Variants in FZR1 observed in about 807,000 individuals in gnomAD.
The protein encoded by FZR1 is fizzy-related protein homolog.
In FZR1, 11 loss-of-function variants were observed where a neutral mutation model predicts 63.6. The ratio of observed to expected loss-of-function variants is 0.17; its 90% CI spans 0.11 to 0.29. The LOEUF (loss-of-function observed/expected upper bound fraction) is 0.29, where lower values mean the gene tolerates loss of function less well. FZR1 is among the 10% of genes least tolerant of loss of function. The pLI is 1.00. For synonymous variants in FZR1, 328 were observed against 297.9 expected (o/e 1.10, Z -1.04); for missense variants, 440 against 687.5 (o/e 0.64, Z 4.03).
Position 3,532,019 on chromosome 19 carries a change from G to A in FZR1, c.932G>A (p.Gly311Asp). The change falls in exon 10 of 14, where the codon GGC (glycine) becomes GAC (aspartate). Residue 311 changes from glycine to aspartate, a missense_variant. Transcript: ENST00000441788. ...CTGCAGTCGGAGCGGCGGCTGCAGG[G>A]CCACCGGCAGGAGGTGTGCGGGCTC... ...PPLQSERRLQ[G>D]HRQEVCGLKW... The A allele has an allele frequency of 6.4e-7, 1 of 1,551,414 alleles. No homozygotes were observed.
rs1342468636 is a variant in FZR1, at chr19:3,514,522, C to T, written c.-35+8048C>T. On this transcript the variant is annotated intron_variant, in intron 1 of 13. Transcript: ENST00000441788. This position sits in a 1 kb window ranked among gnomAD's most constrained non-coding sequence, Gnocchi z 4.2. ...CCCAGACATCACCATATATCATACC[C>T]TGGGGGCAGAATCACCCTGGTTAAG... 6.6e-6 allele frequency among the ~76,000 whole-genome samples: 1 copy of T among 152,110 alleles called. No homozygotes were observed. Among genetic ancestry groups the T allele is most frequent in the East Asian group, 1.9e-4 (1 of 5,180 alleles).
intron 12 of FZR1, chr19:3,534,213 C>T (rs2083274543): frequency 6.0e-6 from 3 of 500,622 alleles, no homozygotes; most frequent in Admixed American, 3.8e-5. Context: ...CAGAGCCAGA[C>T]CCCGTCTTAA....
At chr19:3,530,649 G>C in intron 7 of FZR1, 143 bp from the exon 8 acceptor site, 1 of 646,488 alleles carries the variant, frequency 1.5e-6, no homozygotes. Flanking sequence ...AAAGTGGATG[G>C]GACTGTGGAT....
chr19:3,528,213 G>C (rs915844802), intron 7 of FZR1, among the ~76,000 whole-genome samples: 2 of 152,272 alleles, frequency 1.3e-5, no homozygotes, highest in East Asian at 3.9e-4. Flanking sequence ...AGTGGCCGCT[G>C]TCCTGGAGTG....
chr19:3,520,764 G>A (rs987806909), intron 1 of FZR1, among the ~76,000 whole-genome samples: 1 of 152,246 alleles, frequency 6.6e-6, no homozygotes, highest in Admixed American at 6.5e-5. Context: ...TGGAGCTGTG[G>A]AGGTGGCAAT....
intron 1 of FZR1, among the ~76,000 whole-genome samples, chr19:3,522,088 G>A (rs574594750): frequency 6.6e-6 from 1 of 152,300 alleles, no homozygotes; most frequent in Non-Finnish European, 1.5e-5. Context: ...GACACAGGGA[G>A]ACCTGTCTAC....
At position 3,516,877 on chromosome 19, in the gene FZR1, C is replaced by A. The variant is rs1269691205; in HGVS notation, c.-34-6079C>A. Among the ~76,000 whole-genome samples the A allele has an allele frequency of 6.6e-6, 1 of 152,248 alleles. No individual in the cohort carries two copies. Among genetic ancestry groups the A allele is most frequent in the African/African-American group, 2.4e-5 (1 of 41,470 alleles). ...CCCCGGAGGGCTTGTCAGGTGCAGC[C>A]ATGTGCTGCTGGGCAGCGATGTGTG... On this transcript the variant is annotated intron_variant, in intron 1 of 13. Coordinates refer to ENST00000441788, the MANE Select transcript of FZR1 (RefSeq NM_016263.4). This position sits in a 1 kb window ranked among gnomAD's most constrained non-coding sequence, Gnocchi z 6.0.
intron 1 of FZR1, among the ~76,000 whole-genome samples, chr19:3,510,891 C>G (rs2083019870): frequency 6.6e-6 from 1 of 152,226 alleles, no homozygotes; most frequent in African/African-American, 2.4e-5. Context: ...CCCAGGACTC[C>G]CCGCCATAGA....
intron 6 of FZR1, among the ~76,000 whole-genome samples, chr19:3,527,274 G>A (rs1336170698): frequency 6.6e-6 from 1 of 152,202 alleles, no homozygotes; most frequent in South Asian, 2.1e-4. Context: ...TGAGGCCATG[G>A]TCAGTAATAG....
chr19:3,525,114 C>T lies in FZR1; in HGVS notation c.70-754C>T, dbSNP rs1338713351. 6.6e-6 allele frequency among the ~76,000 whole-genome samples: 1 copy of T among 152,154 alleles called. No individual in the cohort carries two copies. The highest frequency in any genetic ancestry group is 2.4e-5 in the African/African-American group (1 of 41,428). ...GGATGAGGGCCACACTCCCAGGTGG[C>T]TCTGGGTACAGCTGTTGCGTGTCTT... On this transcript the variant is annotated intron_variant, in intron 2 of 13. Transcript: ENST00000441788. The surrounding 1 kb of genome is among the most constrained non-coding windows in gnomAD (Gnocchi z 4.2).
chr19:3,532,840 CCTGGGGCAAGACTTGGGGCCT>C lies in FZR1; in HGVS notation c.1242+196_1242+216del, dbSNP rs919139101. Among the ~76,000 whole-genome samples the C allele has an allele frequency of 5.1e-4, 78 of 152,270 alleles. 1 individual carries two copies. Among genetic ancestry groups the C allele is most frequent in the African/African-American group, 1.9e-3 (77 of 41,572 alleles). ...GCCCCTGGGCCTCATCAGGGCCTCACCTGGGGCAAGACTTGGGGCCTCTGGGCCCCCATCGCAGCCACACCT... is the reference window on the plus strand; with the variant it reads ...GCCCCTGGGCCTCATCAGGGCCTCACCTGGGCCCCCATCGCAGCCACACCT... On this transcript the variant is annotated intron_variant, in intron 11 of 13. Coordinates refer to ENST00000441788, the MANE Select transcript of FZR1 (RefSeq NM_016263.4).
chr19:3,538,318 C>T lies in FZR1; in HGVS notation c.*3482C>T, dbSNP rs186245599. 1 of 171,502 alleles carries T rather than the reference C, an allele frequency of 5.8e-6. No homozygotes were observed. Among genetic ancestry groups the T allele is most frequent in the Non-Finnish European group, 1.3e-5 (1 of 79,392 alleles). The allele number at this position is 171,502 out of a possible 1,614,324, so 10.6% of individuals were successfully genotyped here. A position where few individuals can be genotyped will look rare whatever the true frequency, so the allele number is the denominator to read the frequency against. The stretch of plus-strand genomic sequence containing the variant: ...TGTTTATTGTGGTAAAATACAAAAT[C>T]TACCGTCTTACAGTGAGGTGGCGTT... On this transcript the variant is annotated 3_prime_UTR_variant, in exon 14 of 14. Transcript: ENST00000441788.
intron 7 of FZR1, among the ~76,000 whole-genome samples, chr19:3,530,164 A>G (rs2083226501): frequency 8.3e-6 from 1 of 119,902 alleles, no homozygotes; most frequent in Non-Finnish European, 1.8e-5. Context: ...GCAAGAGTGG[A>G]TGAGAGTGGT....
At chr19:3,522,344 A>AGGG (rs1482345273) in intron 1 of FZR1, among the ~76,000 whole-genome samples, 1 of 152,038 alleles carries the variant, frequency 6.6e-6, no homozygotes, top group Non-Finnish European at 1.5e-5. Flanking sequence ...ACCCCCTTGG[A>AGGG]GGGGCCTTCC....
chr19:3,534,103 C>T (rs781595809), intron 12 of FZR1, among the ~76,000 whole-genome samples: 10 of 151,860 alleles, frequency 6.6e-5, no homozygotes, highest in Non-Finnish European at 1.2e-4. Flanking sequence ...ACCTGTAGTC[C>T]CAGCTACTCA....
chr19:3,532,569 G>A lies in FZR1; in HGVS notation c.1161G>A (p.Thr387=), dbSNP rs368557027. ...TADRCIRFWN[T]LTGQPLQCID... ...ACCGCTGTATCCGCTTCTGGAACAC[G>A]CTGACAGGACAACCACTGCAGTGTA... Residue 387 remains threonine, a synonymous_variant, in exon 11 of 14, where the codon ACG becomes ACA. Transcript: ENST00000441788. The A allele has an allele frequency of 7.4e-6, 12 of 1,612,628 alleles. No homozygotes were observed. Among genetic ancestry groups the A allele is most frequent in the South Asian group, 5.5e-5 (5 of 91,084 alleles).
At chr19:3,534,227 T>TAAAAA (rs3040391) in intron 12 of FZR1, 194 bp from the exon 13 acceptor site, 10 of 283,112 alleles carry the variant, frequency 3.5e-5, no homozygotes, top group South Asian at 6.4e-5. Context: ...GTCTTAAAAT[T>TAAAAA]AAAAAAAAAA....
In FZR1 at chr19:3,508,093, A is replaced by G. The variant is rs1321809665; in HGVS notation, c.-35+1619A>G. The stretch of plus-strand genomic sequence containing the variant: ...ATTTCAGAACCTGTGCCCTGGCTGC[A>G]GGCAGTGGTGGGGGTAGGGGTTGGG... On this transcript the variant is annotated intron_variant, in intron 1 of 13. Transcript: ENST00000441788. 4.1e-4 allele frequency among the ~76,000 whole-genome samples: 42 copies of G among 101,662 alleles called. No individual in the cohort carries two copies. In the Admixed American group the frequency reaches 5.4e-3, roughly 13 times the overall value. 66.7% of individuals were successfully genotyped at this position (101,662 alleles called of 152,430 possible).
chr19:3,530,119 G>C (rs1052473860), intron 7 of FZR1, among the ~76,000 whole-genome samples: 1 of 128,722 alleles, frequency 7.8e-6, no homozygotes, highest in African/African-American at 3.1e-5. Context: ...GGAGCGGATG[G>C]GTGAGCGGAT....
Sources: gnomAD v4.1 joint callset for allele counts (sites outside exome capture counted in the v4.1 genomes callset) on GRCh38, gnomAD v4.1.1 for gene constraint, Gnocchi (gnomAD v3.1) non-coding constraint, MANE v1.5 for transcripts, NCBI Gene and HGNC (gene_info 2026-07-23, HGNC 2026-07-21) for gene names.